Variants in GLIS3 observed in about 807,000 individuals in gnomAD.
GLIS3 encodes zinc finger protein GLIS3.
In GLIS3, 53 loss-of-function variants were observed where a neutral mutation model predicts 78.6. The observed-to-expected ratio is 0.67, with a 90% CI of 0.54 to 0.85. The LOEUF (loss-of-function observed/expected upper bound fraction) is 0.85. Ranked by LOEUF, GLIS3 falls within the 40% of genes least tolerant of loss-of-function variation. GLIS3 has a pLI of 0.00. For synonymous variants in GLIS3, 684 were observed against 509.9 expected, an observed-to-expected ratio of 1.34 and a Z score of -4.60; for missense variants, 1,703 against 1,231.1, an observed-to-expected ratio of 1.38 and a Z score of -5.74.
chr9:3,863,473 G>A (rs1424781549), intron 8 of GLIS3, among the ~76,000 whole-genome samples: 1 of 152,220 alleles, frequency 6.6e-6, no homozygotes, highest in Non-Finnish European at 1.5e-5. Context: ...GTCCGTCTGA[G>A]GACTCTGTCC....
chr9:4,139,572 C>T (rs1413810323), intron 2 of GLIS3, among the ~76,000 whole-genome samples: 1 of 152,092 alleles, frequency 6.6e-6, no homozygotes, highest in Non-Finnish European at 1.5e-5. Context: ...CAAACACATT[C>T]AGTGTGAAGG....
At chr9:4,287,595 C>A (rs542181671) in intron 1 of GLIS3, among the ~76,000 whole-genome samples, 2 of 152,168 alleles carry the variant, frequency 1.3e-5, no homozygotes, top group Admixed American at 1.3e-4. Context: ...CAAAGTTCAA[C>A]AAACACAGGA....
chr9:4,120,393 A>G (rs1832085650), intron 3 of GLIS3, among the ~76,000 whole-genome samples: 1 of 152,248 alleles, frequency 6.6e-6, no homozygotes, highest in Non-Finnish European at 1.5e-5. Flanking sequence ...CTTGACATAG[A>G]TTTTCCTCTT....
intron 4 of GLIS3, among the ~76,000 whole-genome samples, chr9:3,971,118 C>T (rs539237720): frequency 3.5e-5 from 3 of 86,752 alleles, no homozygotes; most frequent in East Asian, 3.7e-4. Flanking sequence ...AAGGAAGGAT[C>T]GAAGGAAGGA....
At chr9:4,248,578 G>T (rs190250399) in intron 2 of GLIS3, among the ~76,000 whole-genome samples, 1 of 152,194 alleles carries the variant, frequency 6.6e-6, no homozygotes, top group African/African-American at 2.4e-5. Flanking sequence ...GTAGTAGAAT[G>T]ATTTATAATC....
chr9:3,980,879 A>C (rs1263435032), intron 4 of GLIS3, among the ~76,000 whole-genome samples: 1 of 152,162 alleles, frequency 6.6e-6, no homozygotes, highest in African/African-American at 2.4e-5. Flanking sequence ...AAGTCAGATA[A>C]TTAAATGCCA....
chr9:4,171,499 A>G (rs1816370418), intron 2 of GLIS3, among the ~76,000 whole-genome samples: 1 of 152,234 alleles, frequency 6.6e-6, no homozygotes, highest in Admixed American at 6.5e-5. Context: ...AACCTCATTC[A>G]CTTAATTTGA....
intron 2 of GLIS3, among the ~76,000 whole-genome samples, chr9:4,200,470 G>T (rs1020577893): frequency 6.6e-6 from 1 of 151,948 alleles, no homozygotes; most frequent in Non-Finnish European, 1.5e-5. Flanking sequence ...AATGATAAAC[G>T]CAACATTACA....
At chr9:4,418,614 A>T in the GLIS3 span, among the ~76,000 whole-genome samples, 1 of 152,000 alleles carries the variant, frequency 6.6e-6, no homozygotes, top group East Asian at 1.9e-4. Flanking sequence ...CAGGAGAATC[A>T]CTTGAACCTG....
intron 2 of GLIS3, among the ~76,000 whole-genome samples, chr9:4,325,322 T>G (rs1817584086): frequency 6.6e-6 from 1 of 152,194 alleles, no homozygotes; most frequent in Admixed American, 6.5e-5. Context: ...TTAAAAAGGG[T>G]AGAGTACCCC....
the GLIS3 span, among the ~76,000 whole-genome samples, chr9:4,424,908 G>C: frequency 6.6e-6 from 1 of 151,802 alleles, no homozygotes; most frequent in East Asian, 1.9e-4. Context: ...GAATACACTG[G>C]GCATTATATT....
chr9:4,199,271 G>C (rs1819144390), intron 2 of GLIS3, among the ~76,000 whole-genome samples: 2 of 152,108 alleles, frequency 1.3e-5, no homozygotes, highest in African/African-American at 4.8e-5. Context: ...AGAGTGGCAA[G>C]TTGGATGAAA....
the GLIS3 span, among the ~76,000 whole-genome samples, chr9:4,443,952 A>T: frequency 2.0e-5 from 3 of 152,102 alleles, no homozygotes; most frequent in African/African-American, 7.3e-5. Context: ...TGGTGTAGAC[A>T]GGTTATATCC....
chr9:4,401,284 A>T, the GLIS3 span, among the ~76,000 whole-genome samples: 1 of 152,126 alleles, frequency 6.6e-6, no homozygotes, highest in African/African-American at 2.4e-5. Flanking sequence ...TTTGAGACAG[A>T]GTTTCACTCT....
chr9:3,913,078 TC>T (rs1824257450), intron 6 of GLIS3, among the ~76,000 whole-genome samples: 2 of 152,320 alleles, frequency 1.3e-5, no homozygotes, highest in Admixed American at 6.5e-5. Flanking sequence ...CTCCGTATTG[TC>T]TTCCCTTGAA....
At chr9:3,899,533 AAC>A (rs1823129988) in intron 6 of GLIS3, among the ~76,000 whole-genome samples, 1 of 152,174 alleles carries the variant, frequency 6.6e-6, no homozygotes, top group African/African-American at 2.4e-5. Context: ...GGAAAAAAAA[AAC>A]AATGTAAGAT....
At chr9:4,297,332 C>A (rs558676939) in intron 1 of GLIS3, among the ~76,000 whole-genome samples, 1 of 152,308 alleles carries the variant, frequency 6.6e-6, no homozygotes, top group East Asian at 1.9e-4. Context: ...GGGTCTGCGA[C>A]AACTGGCTGT....
the GLIS3 span, among the ~76,000 whole-genome samples, chr9:4,488,013 T>C: frequency 6.6e-6 from 1 of 152,208 alleles, no homozygotes; most frequent in African/African-American, 2.4e-5. Context: ...ACTTTGGAAA[T>C]ATAAAAGATA....
At chr9:4,149,472 C>G (rs1228176460) in intron 2 of GLIS3, among the ~76,000 whole-genome samples, 3 of 152,238 alleles carry the variant, frequency 2.0e-5, no homozygotes, top group Non-Finnish European at 2.9e-5. Flanking sequence ...GAACACAGGA[C>G]AATTGTCATT....
Sources: allele counts gnomAD v4.1 joint callset (sites outside exome capture counted in the v4.1 genomes callset), GRCh38; gene constraint gnomAD v4.1.1; transcripts MANE v1.5; gene names NCBI Gene and HGNC (gene_info 2026-07-23, HGNC 2026-07-21).